RGMA: variants seen among roughly 807,000 people sequenced by gnomAD.
RGMA encodes the protein repulsive guidance molecule BMP co-receptor a.
In RGMA, 10 loss-of-function variants were observed where a neutral mutation model predicts 23.2. The ratio of observed to expected loss-of-function variants is 0.43; its 90% confidence interval spans 0.27 to 0.73. The LOEUF is 0.73. Ranked by LOEUF, RGMA falls within the 30% of genes least tolerant of loss-of-function variation. RGMA has a pLI of 0.20. For synonymous variants in RGMA, 308 were observed against 279.3 expected, an observed-to-expected ratio of 1.10 and a Z score of -1.03; for missense variants, 547 against 630.5, an observed-to-expected ratio of 0.87 and a Z score of 1.42.
intron 3 of RGMA, among the ~76,000 whole-genome samples, chr15:93,046,712 T>A (rs2054829992): frequency 6.6e-6 from 1 of 151,590 alleles, no homozygotes; most frequent in African/African-American, 2.4e-5. Context: ...CTGAAAGGGG[T>A]CCCCAAGCTG....
chr15:93,053,783 C>T (rs950486223), intron 2 of RGMA, among the ~76,000 whole-genome samples: 5 of 152,192 alleles, frequency 3.3e-5, no homozygotes, highest in South Asian at 2.1e-4. Flanking sequence ...GACTTGAGCA[C>T]GGGCGAGTCA....
intron 1 of RGMA, among the ~76,000 whole-genome samples, chr15:93,084,841 G>C (rs916700295): frequency 2.6e-5 from 4 of 152,166 alleles, no homozygotes; most frequent in African/African-American, 9.7e-5. Flanking sequence ...GTTGAGAAAA[G>C]TATAAAAGTC....
At chr15:93,078,421 A>G (rs998028866) in intron 1 of RGMA, among the ~76,000 whole-genome samples, 1 of 152,234 alleles carries the variant, frequency 6.6e-6, no homozygotes, top group East Asian at 1.9e-4. Context: ...CCATGTCTTG[A>G]GGAACTGAGT....
At position 93,043,244 on chromosome 15, in the gene RGMA, G is replaced by GCACACAGTCACGCACGCGCA. The variant is rs1555447875; in HGVS notation, c.*1753_*1754insTGCGCGTGCGTGACTGTGTG. On this transcript the variant is annotated 3_prime_UTR_variant, in exon 4 of 4. Coordinates refer to ENST00000329082, the MANE Select transcript of RGMA (RefSeq NM_020211.3). Reference sequence around the variant, plus strand: ...CATGCGCACACATGCGTACATGCACGCACACAGGCACGCACACACACAGGC... The same window carrying GCACACAGTCACGCACGCGCA: ...CATGCGCACACATGCGTACATGCACGCACACAGTCACGCACGCGCACACACAGGCACGCACACACACAGGC... 1.3e-5 allele frequency: 2 copies of GCACACAGTCACGCACGCGCA among 149,562 alleles called. No homozygotes were observed. Among genetic ancestry groups the GCACACAGTCACGCACGCGCA allele is most frequent in the African/African-American group, 5.0e-5 (2 of 40,140 alleles). 9.3% of individuals were successfully genotyped at this position (149,562 alleles called of 1,614,324 possible).
In RGMA at chr15:93,039,210, C is replaced by G. The variant is rs560290070; in HGVS notation, c.*5788G>C. 1 of 152,056 alleles carries G rather than the reference C, an allele frequency of 6.6e-6. No homozygotes were observed. The highest frequency in any genetic ancestry group is 1.5e-5 in the Non-Finnish European group (1 of 68,008). 9.4% of individuals were successfully genotyped at this position (152,056 alleles called of 1,614,324 possible). Reference sequence around the variant, plus strand: ...ACACTGGTGGTTTGCCAGGGGCTCTCGGGCCTTCAGTGTCCCAAACCTGCT... The same window carrying G: ...ACACTGGTGGTTTGCCAGGGGCTCTGGGGCCTTCAGTGTCCCAAACCTGCT... On this transcript the variant is annotated 3_prime_UTR_variant, in exon 4 of 4. Transcript: ENST00000329082.
At chr15:93,086,069 GGA>G (rs1283983403) in intron 1 of RGMA, among the ~76,000 whole-genome samples, 1 of 152,182 alleles carries the variant, frequency 6.6e-6, no homozygotes, top group Admixed American at 6.5e-5. Flanking sequence ...TGGATAGGCT[GGA>G]TACCAAACAG....
chr15:93,077,723 G>T (rs998979898), intron 1 of RGMA, among the ~76,000 whole-genome samples: 1 of 152,208 alleles, frequency 6.6e-6, no homozygotes, highest in Non-Finnish European at 1.5e-5. Context: ...CATAGTGTGT[G>T]TGTGTGACAG....
chr15:93,072,947 G>C lies in RGMA; in HGVS notation c.99C>G (p.Thr33=). Residue 33 remains threonine (T), a synonymous_variant, in exon 2 of 4, where the codon ACC becomes ACG. Transcript: ENST00000329082. ...GGAAGCTGCAGAGAAGGAAGGCGAG[G>C]GTCGGCCAGAATCCCAGGGCTGAAC... The part of the protein sequence containing the change: ...AGRSALGFWP[T]LAFLLCSFPA... 1 of 1,609,630 alleles carries C rather than the reference G, an allele frequency of 6.2e-7. No individual in the cohort carries two copies. Among genetic ancestry groups the C allele is most frequent in the Non-Finnish European group, 8.5e-7 (1 of 1,178,420 alleles).
chr15:93,054,655 A>G (rs2141815351), intron 2 of RGMA, among the ~76,000 whole-genome samples: 1 of 152,302 alleles, frequency 6.6e-6, no homozygotes, highest in Middle Eastern at 3.4e-3. Flanking sequence ...TCCTTTATAA[A>G]TTACCCAGTC....
chr15:93,044,126 C>A lies in RGMA; in HGVS notation c.*872G>T, dbSNP rs1159513341. The A allele has an allele frequency of 6.6e-6, 1 of 152,288 alleles. No homozygotes were observed. The highest frequency in any genetic ancestry group is 1.5e-5 in the Non-Finnish European group (1 of 68,096). The allele number at this position is 152,288 out of a possible 1,614,324, so 9.4% of individuals were successfully genotyped here. The stretch of plus-strand genomic sequence containing the variant: ...GGAGGAAGCAGAGGATCAGGGCAGG[C>A]CAGCTGGCCCCATCCACTGGGTCTC... On this transcript the variant is annotated 3_prime_UTR_variant, in exon 4 of 4. Transcript: ENST00000329082.
Position 93,073,102 on chromosome 15 carries a change from G to T in RGMA, c.15-71C>A, listed in dbSNP as rs748537954. On this transcript the variant is annotated intron_variant, in intron 1 of 3. Transcript: ENST00000329082. ...GAAGAAAGGGCAGCCTCGCTCCGCC[G>T]GCGGGAGCAGCGAGCCGGGAGGCTC... 1.6e-5 allele frequency: 22 copies of T among 1,407,166 alleles called. No homozygotes were observed. In the East Asian group the frequency reaches 6.0e-4, roughly 38 times the overall value. 87.2% of individuals were successfully genotyped at this position (1,407,166 alleles called of 1,614,324 possible).
At chr15:93,073,968 T>C (rs1315922811) in intron 1 of RGMA, 2 of 1,422,998 alleles carry the variant, frequency 1.4e-6, no homozygotes, top group South Asian at 1.5e-5. Context: ...AAGGCTGCAC[T>C]TGGGAGGGCT....
rs1206035943 is a variant in RGMA, at chr15:93,052,345, G to A, written c.293C>T (p.Ala98Val). The A allele has an allele frequency of 2.5e-6, 4 of 1,601,958 alleles. No individual in the cohort carries two copies. Among genetic ancestry groups the A allele is most frequent in the Non-Finnish European group, 3.4e-6 (4 of 1,179,444 alleles). Residue 98 changes from alanine to valine, a missense_variant, in exon 3 of 4, where the codon GCC becomes GTC. Physicochemically the swap from Ala to Val is moderately conservative, Grantham distance 64. Coordinates refer to ENST00000329082, the MANE Select transcript of RGMA (RefSeq NM_020211.3). ...RTARTCRGDL[A>V]YHSAVHGIED... is the part of the protein sequence containing the mutation. ...TATGCCATGGACGGCCGAGTGGTAG[G>A]CCAGGTCACCCCGGCAGGTGCGGGC...
Position 93,040,329 on chromosome 15 carries a change from C to A in RGMA, c.*4669G>T, listed in dbSNP as rs1293185132. ...GTCCTCCCGGAGCCGGAGAGCCCTG[C>A]AGTACTTTGGCTGCTCTGTGGCCTC... On this transcript the variant is annotated 3_prime_UTR_variant, in exon 4 of 4. Transcript: ENST00000329082. The A allele has an allele frequency of 2.0e-5, 3 of 152,426 alleles. No homozygotes were observed. Among genetic ancestry groups the A allele is most frequent in the Admixed American group, 6.5e-5 (1 of 15,292 alleles). 9.4% of individuals were successfully genotyped at this position (152,426 alleles called of 1,614,324 possible).
rs573145653 is a variant in RGMA at position 93,044,932 on chromosome 15, C to A, written c.*66G>T. 1.5e-6 allele frequency: 2 copies of A among 1,349,532 alleles called. No individual in the cohort carries two copies. The highest frequency in any genetic ancestry group is 2.0e-6 in the Non-Finnish European group (2 of 989,360). The allele number at this position is 1,349,532 out of a possible 1,614,324, so 83.6% of individuals were successfully genotyped here. Reference sequence around the variant, plus strand: ...CGCCAGGAGATCTGCACCCCGTGGGCGGTCCCAGCCCACACATGGGGAAGC... The same window carrying A: ...CGCCAGGAGATCTGCACCCCGTGGGAGGTCCCAGCCCACACATGGGGAAGC... On this transcript the variant is annotated 3_prime_UTR_variant, in exon 4 of 4. Transcript: ENST00000329082.
At chr15:93,079,917 T>A (rs1380576522) in intron 1 of RGMA, among the ~76,000 whole-genome samples, 1 of 152,152 alleles carries the variant, frequency 6.6e-6, no homozygotes, top group Non-Finnish European at 1.5e-5. Flanking sequence ...AAAGGACAGT[T>A]GTACATTTTG....
chr15:93,056,842 A>G (rs1024032980), intron 2 of RGMA, among the ~76,000 whole-genome samples: 1 of 152,140 alleles, frequency 6.6e-6, no homozygotes, highest in African/African-American at 2.4e-5. Context: ...ATATGAGGAG[A>G]TGTACATGGC....
chr15:93,083,327 A>C (rs191161050), intron 1 of RGMA, among the ~76,000 whole-genome samples: 107 of 151,976 alleles, frequency 7.0e-4, no homozygotes, highest in African/African-American at 2.3e-3. Flanking sequence ...AAGCAAGAGA[A>C]GCTTTTTTTA....
chr15:93,066,209 C>A, intron 2 of RGMA: 1 of 1,415,854 alleles, frequency 7.1e-7, no homozygotes, highest in Non-Finnish European at 1.0e-6. Context: ...TCCACAGTCT[C>A]CTCATCTCCA....
Sources: allele counts gnomAD v4.1 joint callset (sites outside exome capture counted in the v4.1 genomes callset), GRCh38; gene constraint gnomAD v4.1.1; transcripts MANE v1.5; gene names NCBI Gene and HGNC (gene_info 2026-07-23, HGNC 2026-07-21).